FARP1: variants seen among roughly 807,000 people sequenced by gnomAD.
FARP1 encodes FERM, ARH/RhoGEF and pleckstrin domain protein 1.
In FARP1, 52 loss-of-function variants were observed where a neutral mutation model predicts 128.8. The ratio of observed to expected loss-of-function variants is 0.40; its 90% confidence interval spans 0.32 to 0.51. The LOEUF (loss-of-function observed/expected upper bound fraction) is 0.51, where lower values mean the gene tolerates loss of function less well. Ranked by LOEUF, FARP1 falls within the 20% of genes least tolerant of loss-of-function variation. FARP1 has a pLI of 0.45. For synonymous variants in FARP1, 580 were observed against 551.8 expected (o/e 1.05, Z -0.72); for missense variants, 1,333 against 1,367.9 (o/e 0.97, Z 0.40).
At chr13:98,227,764 C>T (rs552827041) in intron 2 of FARP1, among the ~76,000 whole-genome samples, 27 of 152,224 alleles carry the variant, frequency 1.8e-4, no homozygotes, top group Admixed American at 6.5e-4. Flanking sequence ...GTGTTATATA[C>T]GTGCAAAATG....
intron 2 of FARP1, chr13:98,328,989 G>A (rs1887358736): frequency 6.6e-6 from 1 of 152,192 alleles, no homozygotes; most frequent in Admixed American, 6.5e-5. Flanking sequence ...CGATAAGGGA[G>A]GGGCCTCCTG....
chr13:98,181,635 T>TGAG (rs781748804), intron 1 of FARP1, among the ~76,000 whole-genome samples: 134 of 123,044 alleles, frequency 1.1e-3, no homozygotes, highest in South Asian at 4.9e-3. Context: ...TTTATTTATT[T>TGAG]ATTTATTTGA....
At chr13:98,152,335 T>C (rs768920338) in intron 1 of FARP1, among the ~76,000 whole-genome samples, 14 of 152,178 alleles carry the variant, frequency 9.2e-5, no homozygotes, top group Non-Finnish European at 1.3e-4. Flanking sequence ...CAGCACAGGC[T>C]TCTCATTTAG....
chr13:98,315,104 C>T (rs1299551595), intron 2 of FARP1, among the ~76,000 whole-genome samples: 13 of 152,146 alleles, frequency 8.5e-5, no homozygotes, highest in Admixed American at 8.5e-4. Context: ...CAATAACAAT[C>T]GACTGTGAGT....
At chr13:98,319,335 C>A (rs915214288) in intron 2 of FARP1, among the ~76,000 whole-genome samples, 1 of 146,786 alleles carries the variant, frequency 6.8e-6, no homozygotes, top group Admixed American at 6.8e-5. Flanking sequence ...ATAATCAGTT[C>A]GTCAGCCAGG....
At chr13:98,384,950 C>T (rs965885339) in intron 7 of FARP1, 106 bp downstream of exon 7, 6 of 697,606 alleles carry the variant, frequency 8.6e-6, no homozygotes, top group Non-Finnish European at 1.5e-5. Context: ...TTGTGGAGAA[C>T]AACACAAAGC....
Position 98,258,128 on chromosome 13 carries a change from G to A in FARP1, c.171+44715G>A, listed in dbSNP as rs369786623. 6.6e-5 allele frequency among the ~76,000 whole-genome samples: 10 copies of A among 152,010 alleles called. No individual in the cohort carries two copies. In the East Asian group the frequency reaches 9.7e-4, roughly 15 times the overall value. ...AGCTGAGGCACCCGCGACCGTGCCC[G>A]GCTAATTTTTTTGTATTTTTAGTAG... On this transcript the variant is annotated intron_variant, in intron 2 of 26. Coordinates refer to ENST00000319562, the MANE Select transcript of FARP1 (RefSeq NM_005766.4).
chr13:98,163,709 T>A (rs1050217116), intron 1 of FARP1, among the ~76,000 whole-genome samples: 2 of 87,940 alleles, frequency 2.3e-5, no homozygotes, highest in Non-Finnish European at 6.3e-5. Context: ...TAGCATGGCC[T>A]TTTCTTTTTT....
In FARP1 at chr13:98,365,954, G is replaced by A. The variant is rs577838753; in HGVS notation, c.319+517G>A. On this transcript the variant is annotated intron_variant, in intron 4 of 26. Transcript: ENST00000319562. Reference sequence around the variant, plus strand: ...CAAGCAGAGCCCTGAAGGGAGGCTGGCATGTATGCATTTAGACTGTGTGTT... The same window carrying A: ...CAAGCAGAGCCCTGAAGGGAGGCTGACATGTATGCATTTAGACTGTGTGTT... 2.6e-4 allele frequency among the ~76,000 whole-genome samples: 39 copies of A among 151,668 alleles called. 2 individuals are homozygous for A. In the East Asian group the frequency reaches 7.0e-3, roughly 27 times the overall value.
chr13:98,347,219 G>A (rs1265254782), intron 3 of FARP1, among the ~76,000 whole-genome samples: 1 of 152,124 alleles, frequency 6.6e-6, no homozygotes, highest in African/African-American at 2.4e-5. Context: ...CATTATTTAT[G>A]GAAACTTGTT....
intron 17 of FARP1, among the ~76,000 whole-genome samples, chr13:98,429,361 C>A (rs937798226): frequency 2.0e-5 from 3 of 152,162 alleles, no homozygotes; most frequent in African/African-American, 7.2e-5. Context: ...AGCGTCAATG[C>A]CAGAGAGGTC....
intron 5 of FARP1, among the ~76,000 whole-genome samples, chr13:98,370,994 G>T (rs1207978774): frequency 6.6e-6 from 1 of 152,158 alleles, no homozygotes; most frequent in African/African-American, 2.4e-5. Flanking sequence ...GGGGCTGCTG[G>T]GTCTTGGTTT....
intron 2 of FARP1, among the ~76,000 whole-genome samples, chr13:98,274,157 C>T (rs1429711402): frequency 6.6e-6 from 1 of 152,014 alleles, no homozygotes; most frequent in Non-Finnish European, 1.5e-5. Context: ...TCAGATGTAC[C>T]TGTAGGCCTG....
rs560197908 is a variant in FARP1, at chr13:98,215,461, C to T, written c.171+2048C>T. ...GCATCTCCTACTGAGAGTTGTGCAGCGTGAACAAGTTATTTAACCTGTCTG... is the reference window on the plus strand; with the variant it reads ...GCATCTCCTACTGAGAGTTGTGCAGTGTGAACAAGTTATTTAACCTGTCTG... On this transcript the variant is annotated intron_variant, in intron 2 of 26. Transcript: ENST00000319562. Among the ~76,000 whole-genome samples, 7 of 152,206 alleles carry T rather than the reference C, an allele frequency of 4.6e-5. No homozygotes were observed. The East Asian group carries it at 7.7e-4, about 17-fold the overall frequency.
intron 19 of FARP1, among the ~76,000 whole-genome samples, chr13:98,438,341 C>G (rs1470135432): frequency 6.6e-6 from 1 of 152,156 alleles, no homozygotes; most frequent in Non-Finnish European, 1.5e-5. Flanking sequence ...CTTGCTGCCA[C>G]TTTTTATAGC....
rs7988959 is a variant in FARP1, at chr13:98,451,750, T to C, written c.*3433T>C. The C allele has an allele frequency of 0.23, 34,924 of 152,156 alleles. 4,433 individuals carry two copies. The highest frequency in any genetic ancestry group is 0.3 in the Non-Finnish European group (20,201 of 68,006). The allele number at this position is 152,156 out of a possible 1,614,324, so 9.4% of individuals were successfully genotyped here. On this transcript the variant is annotated 3_prime_UTR_variant, in exon 27 of 27. Coordinates refer to ENST00000319562, the MANE Select transcript of FARP1 (RefSeq NM_005766.4). Reference sequence around the variant, plus strand: ...TCAACAAACATAAAAGAATGCTTCATGTACCAGTCAACAGCTGCTGCACGA... The same window carrying C: ...TCAACAAACATAAAAGAATGCTTCACGTACCAGTCAACAGCTGCTGCACGA...
At chr13:98,272,980 G>A (rs56775310) in intron 2 of FARP1, among the ~76,000 whole-genome samples, 4,154 of 152,294 alleles carry the variant, frequency 0.027, 168 homozygotes, top group African/African-American at 0.09. Context: ...TATTCTGAGC[G>A]AGTATGAGAG....
chr13:98,428,331 G>T (rs138661290), intron 17 of FARP1, among the ~76,000 whole-genome samples: 1 of 152,110 alleles, frequency 6.6e-6, no homozygotes, highest in Non-Finnish European at 1.5e-5. Context: ...TGGCAAGTGG[G>T]GACCTTCATT....
At chr13:98,302,544 A>G (rs548552973) in intron 2 of FARP1, among the ~76,000 whole-genome samples, 13 of 152,260 alleles carry the variant, frequency 8.5e-5, no homozygotes, top group Admixed American at 2.6e-4. Flanking sequence ...CCTAGCACCA[A>G]CCTAGCCTGG....
Sources: allele counts gnomAD v4.1 joint callset (sites outside exome capture counted in the v4.1 genomes callset), GRCh38; gene constraint gnomAD v4.1.1; transcripts MANE v1.5; gene names NCBI Gene and HGNC (gene_info 2026-07-23, HGNC 2026-07-21).